Variants in FANCB observed in about 807,000 individuals in gnomAD.
The protein encoded by FANCB is Fanconi anemia group B protein.
In FANCB, 5 loss-of-function variants were observed where a neutral mutation model predicts 38.9. That is an observed-to-expected ratio of 0.13 (90% CI 0.07 to 0.27). The LOEUF (loss-of-function observed/expected upper bound fraction) is 0.27. Among genes scored for constraint, FANCB ranks in the 10% least tolerant of loss-of-function variants. FANCB has a pLI of 1.00. For synonymous variants in FANCB, 236 were observed against 215.4 expected (o/e 1.10, Z -0.84); for missense variants, 573 against 602.7 (o/e 0.95, Z 0.52).
chrX:14,763,367 C>T, the FANCB span, among the ~76,000 whole-genome samples: 2 of 112,045 alleles, frequency 1.8e-5, no homozygotes, highest in South Asian at 7.4e-4. Flanking sequence ...TGGCCATATG[C>T]AACCATATGA....
At chrX:14,858,649 T>C (rs1023345434) in intron 4 of FANCB, among the ~76,000 whole-genome samples, 1 of 111,416 alleles carries the variant, frequency 9.0e-6, no homozygotes, top group African/African-American at 3.3e-5. Flanking sequence ...CTTGAATTCC[T>C]GGGCTCTCAT....
At chrX:14,815,043 C>T in the FANCB span, among the ~76,000 whole-genome samples, 142 of 111,011 alleles carry the variant, frequency 1.3e-3, 1 homozygote, top group Middle Eastern at 4.6e-3. Flanking sequence ...AGCTGGAAAC[C>T]ATCATTCTCA....
At chrX:14,715,674 G>A in the FANCB span, among the ~76,000 whole-genome samples, 1 of 111,363 alleles carries the variant, frequency 9.0e-6, no homozygotes, top group Non-Finnish European at 1.9e-5. Flanking sequence ...ACTTGAAGGA[G>A]TTTACCAGGT....
chrX:14,728,351 C>T, the FANCB span, among the ~76,000 whole-genome samples: 1 of 111,142 alleles, frequency 9.0e-6, no homozygotes, highest in Admixed American at 9.6e-5. Flanking sequence ...CGTGATCATG[C>T]CAGTTCACCC....
the FANCB span, among the ~76,000 whole-genome samples, chrX:14,777,763 T>C: frequency 8.9e-6 from 1 of 112,426 alleles, no homozygotes; most frequent in Non-Finnish European, 1.9e-5. Context: ...ATAACATTCA[T>C]TCTACTCCTC....
the FANCB span, among the ~76,000 whole-genome samples, chrX:14,694,677 T>A: frequency 8.9e-6 from 1 of 112,257 alleles, no homozygotes; most frequent in Non-Finnish European, 1.9e-5. Flanking sequence ...ATTCTTTCAT[T>A]TGTTCCACAA....
chrX:14,775,280 C>T, the FANCB span, among the ~76,000 whole-genome samples: 3 of 100,698 alleles, frequency 3.0e-5, no homozygotes, highest in Non-Finnish European at 5.9e-5. Flanking sequence ...CGCTTCTATA[C>T]TTGAAGACTT....
intron 10 of FANCB, among the ~76,000 whole-genome samples, chrX:14,836,685 C>T: frequency 8.9e-6 from 1 of 111,896 alleles, no homozygotes; most frequent in South Asian, 3.7e-4. Context: ...AGACATTTTT[C>T]TCTGAGATTC....
chrX:14,840,199 G>A (rs1450351403), downstream of FANCB, among the ~76,000 whole-genome samples: 2 of 111,760 alleles, frequency 1.8e-5, no homozygotes, highest in African/African-American at 3.3e-5. Flanking sequence ...GGAAAAGGGT[G>A]AGATTTAGAT....
chrX:14,835,738 G>A (rs769877825), downstream of FANCB, among the ~76,000 whole-genome samples: 5 of 111,761 alleles, frequency 4.5e-5, no homozygotes, highest in Admixed American at 9.5e-5. Context: ...CCTCACACCC[G>A]TTAGGATGGC....
At chrX:14,870,023 GT>G (rs759991869) in intron 1 of FANCB, among the ~76,000 whole-genome samples, 17 of 111,747 alleles carry the variant, frequency 1.5e-4, no homozygotes, top group Admixed American at 1.9e-4. Flanking sequence ...AATCTCATTT[GT>G]TTTTAATGTT....
At chrX:14,836,269 G>A (rs2147375297) in intron 10 of FANCB, 1 of 112,051 alleles carries the variant, frequency 8.9e-6, no homozygotes, top group South Asian at 3.7e-4. Flanking sequence ...GTGGAAGAGA[G>A]AGAGGAAATT....
At chrX:14,757,710 T>C in the FANCB span, among the ~76,000 whole-genome samples, 1 of 111,929 alleles carries the variant, frequency 8.9e-6, no homozygotes, top group African/African-American at 3.3e-5. Flanking sequence ...GAAAGCCATT[T>C]CTGTCTCACG....
chrX:14,811,257 A>T, the FANCB span, among the ~76,000 whole-genome samples: 1 of 111,681 alleles, frequency 9.0e-6, no homozygotes, highest in South Asian at 3.7e-4. Context: ...AACTGCATCA[A>T]CTAACAAGCA....
intron 6 of FANCB, among the ~76,000 whole-genome samples, chrX:14,850,959 GA>G (rs1224798784): frequency 7.7e-5 from 8 of 104,253 alleles, no homozygotes; most frequent in South Asian, 8.2e-4. Flanking sequence ...AGTCCATTTT[GA>G]AAAAAAAAAG....
At chrX:14,690,623 G>T in the FANCB span, 1 of 650,517 alleles carries the variant, frequency 1.5e-6, no homozygotes, top group Non-Finnish European at 2.5e-6. Context: ...ACACCATTAA[G>T]AATCTGGTTT....
rs976300441 is a variant in FANCB at position 14,845,120 on chromosome X, T to C, written c.1663A>G (p.Thr555Ala). ...IGLEAKRVTL[T>A]PDSKKEESFV... ...CTTTCCTCTTTCTTGCTATCAGGGG[T>C]CAACGTGACCCTTTTTGCTTCCAAT... The change falls in exon 8 of 10, where the codon ACC (threonine) becomes GCC (alanine). Residue 555 changes from threonine (T) to alanine (A), a missense_variant. Thr to Ala is a moderately conservative substitution (Grantham distance 58, BLOSUM62 0). Coordinates refer to ENST00000650831, the MANE Select transcript of FANCB (RefSeq NM_001018113.3). 6.6e-6 allele frequency: 8 copies of C among 1,211,446 alleles called. No individual in the cohort carries two copies. Among genetic ancestry groups the C allele is most frequent in the Non-Finnish European group, 7.8e-6 (7 of 895,139 alleles).
the FANCB span, among the ~76,000 whole-genome samples, chrX:14,693,307 C>A: frequency 0.011 from 1,269 of 111,486 alleles, 13 homozygotes; most frequent in African/African-American, 0.038. Context: ...AAACACTAAC[C>A]AAATAAAGCC....
the FANCB span, among the ~76,000 whole-genome samples, chrX:14,829,279 T>C: frequency 9.0e-6 from 1 of 111,621 alleles, no homozygotes; most frequent in South Asian, 3.7e-4. Context: ...GAAGATGTGC[T>C]GTCACCCAGG....
Sources: allele counts gnomAD v4.1 joint callset (sites outside exome capture counted in the v4.1 genomes callset), GRCh38; gene constraint gnomAD v4.1.1; transcripts MANE v1.5; gene names NCBI Gene and HGNC (gene_info 2026-07-23, HGNC 2026-07-21).